FMN2: variants seen among roughly 807,000 people sequenced by gnomAD.
The protein encoded by FMN2 is formin-2.
FMN2 carries 51 observed loss-of-function variants against 142.3 expected under a neutral mutation model. The ratio of observed to expected loss-of-function variants is 0.36; its 90% CI spans 0.29 to 0.45. The LOEUF (loss-of-function observed/expected upper bound fraction) is 0.45. Ranked by LOEUF, FMN2 falls within the 20% of genes least tolerant of loss-of-function variation. The pLI, the probability that FMN2 is intolerant of heterozygous loss-of-function variation, is 1.00. For missense variants in FMN2, 1,936 were observed against 2,122.8 expected (o/e 0.91, Z 1.73); for synonymous variants, 882 against 869.8 (o/e 1.01, Z -0.25).
At position 240,231,897 on chromosome 1, in the gene FMN2, G is replaced by A. The variant is rs1053484710; in HGVS notation, c.4065+20662G>A. Among the ~76,000 whole-genome samples the A allele has an allele frequency of 5.3e-5, 8 of 152,110 alleles. No individual in the cohort carries two copies. In the East Asian group the frequency reaches 5.8e-4, roughly 11 times the overall value. On this transcript the variant is annotated intron_variant, in intron 6 of 17. Coordinates refer to ENST00000319653, the MANE Select transcript of FMN2 (RefSeq NM_020066.5). ...TAAAAATCCCTCTGTTCTCCAAAGCGTTTGTAGGCACTTCTTGAATTCATT... is the reference window on the plus strand; with the variant it reads ...TAAAAATCCCTCTGTTCTCCAAAGCATTTGTAGGCACTTCTTGAATTCATT...
At chr1:240,282,359 A>G (rs544790334) in intron 7 of FMN2, among the ~76,000 whole-genome samples, 1 of 152,322 alleles carries the variant, frequency 6.6e-6, no homozygotes, top group East Asian at 1.9e-4. Flanking sequence ...GAGTTATTAT[A>G]TTGGTGAGTT....
intron 15 of FMN2, among the ~76,000 whole-genome samples, chr1:240,405,340 C>T (rs1674110710): frequency 6.6e-6 from 1 of 152,120 alleles, no homozygotes; most frequent in Admixed American, 6.5e-5. Flanking sequence ...GTCTTTAGGC[C>T]GGGCGCGGTG....
At chr1:240,463,508 A>G in intron 16 of FMN2, among the ~76,000 whole-genome samples, 1 of 152,204 alleles carries the variant, frequency 6.6e-6, no homozygotes, top group East Asian at 1.9e-4. Context: ...TCTTCACCGC[A>G]GAAGTGGTAG....
chr1:240,431,423 T>TATATAC (rs1491221486), intron 15 of FMN2, among the ~76,000 whole-genome samples: 2 of 130,950 alleles, frequency 1.5e-5, no homozygotes, highest in African/African-American at 5.5e-5. Context: ...TATATATATA[T>TATATAC]ACATATATAT....
At chr1:240,129,483 G>A (rs975108826) in intron 2 of FMN2, among the ~76,000 whole-genome samples, 2 of 145,698 alleles carry the variant, frequency 1.4e-5, no homozygotes, top group East Asian at 2.0e-4. Context: ...TGGACTTGCT[G>A]TATGTTAATG....
At chr1:240,191,480 CACTT>C (rs1330414543) in intron 4 of FMN2, among the ~76,000 whole-genome samples, 1 of 152,194 alleles carries the variant, frequency 6.6e-6, no homozygotes, top group Non-Finnish European at 1.5e-5. Flanking sequence ...CTTGAGACCT[CACTT>C]ACTGATTATT....
intron 14 of FMN2, among the ~76,000 whole-genome samples, chr1:240,389,381 G>A (rs9662421): frequency 1.0e-3 from 154 of 152,252 alleles, no homozygotes; most frequent in African/African-American, 3.5e-3. Context: ...GTTACCTTCA[G>A]CAAAGTCATG....
chr1:240,196,519 T>A (rs1349547054), intron 4 of FMN2, among the ~76,000 whole-genome samples: 1 of 152,118 alleles, frequency 6.6e-6, no homozygotes, highest in Non-Finnish European at 1.5e-5. Context: ...GGTTTGTTTG[T>A]TTTTGTTTTG....
chr1:240,227,894 C>T (rs1252812611), intron 6 of FMN2, among the ~76,000 whole-genome samples: 1 of 151,972 alleles, frequency 6.6e-6, no homozygotes. Context: ...GACAACCAAC[C>T]CACAAAATGG....
At chr1:240,182,795 A>G (rs1239705408) in intron 3 of FMN2, among the ~76,000 whole-genome samples, 1 of 152,204 alleles carries the variant, frequency 6.6e-6, no homozygotes, top group Non-Finnish European at 1.5e-5. Flanking sequence ...CTCAGTGTCC[A>G]TGAGATTGAA....
At chr1:240,219,076 G>T (rs185330097) in intron 6 of FMN2, among the ~76,000 whole-genome samples, 3 of 152,170 alleles carry the variant, frequency 2.0e-5, no homozygotes, top group Non-Finnish European at 4.4e-5. Flanking sequence ...CACAAGCAAA[G>T]GTTTCCGTGC....
intron 2 of FMN2, among the ~76,000 whole-genome samples, chr1:240,177,129 G>A (rs914222770): frequency 6.6e-6 from 1 of 151,936 alleles, no homozygotes; most frequent in Admixed American, 6.6e-5. Flanking sequence ...ACAAATATAG[G>A]GCATGCATAT....
At chr1:240,380,047 C>G (rs1197706613) in intron 14 of FMN2, among the ~76,000 whole-genome samples, 3 of 151,972 alleles carry the variant, frequency 2.0e-5, no homozygotes, top group African/African-American at 7.2e-5. Context: ...GGGGACACTT[C>G]AATACACCAT....
intron 15 of FMN2, among the ~76,000 whole-genome samples, chr1:240,396,823 G>C (rs1028884364): frequency 6.6e-6 from 1 of 152,208 alleles, no homozygotes; most frequent in African/African-American, 2.4e-5. Flanking sequence ...CATGATGTAT[G>C]TGTACCACAT....
intron 1 of FMN2, among the ~76,000 whole-genome samples, chr1:240,113,817 A>C (rs1442810295): frequency 1.3e-5 from 2 of 152,190 alleles, no homozygotes; most frequent in African/African-American, 4.8e-5. Flanking sequence ...GGAAATAACA[A>C]AAACTGTTTG....
intron 1 of FMN2, among the ~76,000 whole-genome samples, chr1:240,112,774 T>G (rs1661863937): frequency 6.6e-6 from 1 of 152,148 alleles, no homozygotes; most frequent in African/African-American, 2.4e-5. Flanking sequence ...ACTTGCGTTT[T>G]CCTGATAAGT....
At chr1:240,147,384 C>T (rs1304975788) in intron 2 of FMN2, among the ~76,000 whole-genome samples, 1 of 152,168 alleles carries the variant, frequency 6.6e-6, no homozygotes, top group African/African-American at 2.4e-5. Flanking sequence ...GTTGCCATCA[C>T]TCTGGTCTAA....
chr1:240,137,946 C>T (rs941660853), intron 2 of FMN2, among the ~76,000 whole-genome samples: 7 of 151,022 alleles, frequency 4.6e-5, no homozygotes, highest in Admixed American at 2.0e-4. Context: ...AAAAATTAGC[C>T]GGGTGCAGTC....
chr1:240,131,094 CA>C (rs1431993697), intron 2 of FMN2, among the ~76,000 whole-genome samples: 2 of 152,162 alleles, frequency 1.3e-5, no homozygotes, highest in African/African-American at 4.8e-5. Context: ...AACTATGCTG[CA>C]AGCTTAGGTA....
Sources: gnomAD v4.1 joint callset for allele counts (sites outside exome capture counted in the v4.1 genomes callset) on GRCh38, gnomAD v4.1.1 for gene constraint, MANE v1.5 for transcripts, NCBI Gene and HGNC (gene_info 2026-07-23, HGNC 2026-07-21) for gene names.